Variants in CCBE1 observed in about 807,000 individuals in gnomAD.
CCBE1 encodes collagen and calcium binding EGF domains 1.
CCBE1 carries 37 observed loss-of-function variants against 50.0 expected under a neutral mutation model. The observed-to-expected ratio is 0.74, with a 90% CI of 0.57 to 0.97. The LOEUF (loss-of-function observed/expected upper bound fraction) is 0.97, where lower values mean the gene tolerates loss of function less well. CCBE1 is among the 50% of genes least tolerant of loss of function. The pLI, the probability that CCBE1 is intolerant of heterozygous loss-of-function variation, is 0.00. For synonymous variants in CCBE1, 234 were observed against 203.7 expected (o/e 1.15, Z -1.27); for missense variants, 538 against 523.8 (o/e 1.03, Z -0.26).
chr18:59,490,009 T>A (rs1451878447), intron 2 of CCBE1, among the ~76,000 whole-genome samples: 8 of 114,042 alleles, frequency 7.0e-5, no homozygotes, highest in Non-Finnish European at 1.1e-4. Flanking sequence ...TTTTTTGAGA[T>A]GGAGTTTCCT....
intron 2 of CCBE1, among the ~76,000 whole-genome samples, chr18:59,492,241 A>AT (rs1021120994): frequency 1.1e-4 from 17 of 149,156 alleles, no homozygotes; most frequent in South Asian, 4.3e-4. Context: ...ATTGCCTTCT[A>AT]TTTTTTTTTC....
chr18:59,573,747 A>G (rs1223849833), intron 2 of CCBE1, among the ~76,000 whole-genome samples: 3 of 152,104 alleles, frequency 2.0e-5, no homozygotes, highest in Non-Finnish European at 4.4e-5. Context: ...CTGTACTATC[A>G]TTACTACAAG....
intron 2 of CCBE1, among the ~76,000 whole-genome samples, chr18:59,547,174 G>A (rs978229835): frequency 1.3e-4 from 20 of 151,652 alleles, no homozygotes; most frequent in Non-Finnish European, 2.5e-4. Flanking sequence ...GAGAGGGAGA[G>A]AGAGGCACAA....
rs375020071 is a variant in CCBE1, at chr18:59,675,887, G to A, written c.212+20742C>T. Among the ~76,000 whole-genome samples, 32 of 152,278 alleles carry A rather than the reference G, an allele frequency of 2.1e-4. 1 individual carries two copies. The South Asian group carries it at 5.8e-3, about 28-fold the overall frequency. On this transcript the variant is annotated intron_variant, in intron 2 of 10. Coordinates refer to ENST00000439986, the MANE Select transcript of CCBE1 (RefSeq NM_133459.4). ...CAAGGTCTCTAAGATGTTCAACAGA[G>A]GCAAACAAAAGTAAATGGTGCAATG...
At chr18:59,599,989 T>A (rs980978586) in intron 2 of CCBE1, among the ~76,000 whole-genome samples, 1 of 152,132 alleles carries the variant, frequency 6.6e-6, no homozygotes, top group African/African-American at 2.4e-5. Context: ...CACAGAACCA[T>A]GGTGAGTTTT....
intron 2 of CCBE1, among the ~76,000 whole-genome samples, chr18:59,669,263 A>C (rs1016660257): frequency 2.0e-5 from 3 of 152,170 alleles, no homozygotes; most frequent in Non-Finnish European, 4.4e-5. Context: ...TATTGTTTAT[A>C]AACATTAAAA....
intron 2 of CCBE1, among the ~76,000 whole-genome samples, chr18:59,581,203 G>A (rs1238092929): frequency 1.3e-5 from 2 of 152,154 alleles, no homozygotes; most frequent in African/African-American, 4.8e-5. Context: ...AGCCCACTGG[G>A]AGGCTGAGGT....
chr18:59,514,379 A>G (rs1031597134), intron 2 of CCBE1, among the ~76,000 whole-genome samples: 2 of 152,086 alleles, frequency 1.3e-5, no homozygotes, highest in African/African-American at 4.8e-5. Context: ...CCAGTGAGTC[A>G]TTTTGAGAGC....
At chr18:59,590,848 T>C (rs2053254360) in intron 2 of CCBE1, among the ~76,000 whole-genome samples, 1 of 152,148 alleles carries the variant, frequency 6.6e-6, no homozygotes, top group Non-Finnish European at 1.5e-5. Flanking sequence ...CTTCACTCCA[T>C]ACATAAGAAT....
chr18:59,543,871 A>G (rs1225555204), intron 2 of CCBE1, among the ~76,000 whole-genome samples: 1 of 151,320 alleles, frequency 6.6e-6, no homozygotes, highest in Non-Finnish European at 1.5e-5. Flanking sequence ...GAAAACACTA[A>G]TGCGAGAATC....
intron 2 of CCBE1, among the ~76,000 whole-genome samples, chr18:59,683,980 A>C (rs911565654): frequency 6.6e-6 from 1 of 151,986 alleles, no homozygotes; most frequent in Non-Finnish European, 1.5e-5. Context: ...CAGAACTCCC[A>C]GGGCCAGTTG....
intron 2 of CCBE1, among the ~76,000 whole-genome samples, chr18:59,514,712 C>G (rs1914294266): frequency 7.1e-6 from 1 of 140,014 alleles, no homozygotes; most frequent in Non-Finnish European, 1.5e-5. Context: ...AAAGAGCAAA[C>G]ACTTCATCCT....
intron 2 of CCBE1, among the ~76,000 whole-genome samples, chr18:59,623,651 C>T (rs2053741061): frequency 6.6e-6 from 1 of 152,124 alleles, no homozygotes; most frequent in African/African-American, 2.4e-5. Flanking sequence ...TGCTAGGAGA[C>T]CCTTGCTACA....
intron 2 of CCBE1, among the ~76,000 whole-genome samples, chr18:59,609,564 G>C (rs1410087186): frequency 6.6e-6 from 1 of 152,166 alleles, no homozygotes; most frequent in Non-Finnish European, 1.5e-5. Context: ...CTACCTCTCA[G>C]TGTTTCTTAA....
At chr18:59,613,178 G>T (rs2053595298) in intron 2 of CCBE1, among the ~76,000 whole-genome samples, 1 of 152,020 alleles carries the variant, frequency 6.6e-6, no homozygotes, top group Non-Finnish European at 1.5e-5. Flanking sequence ...CAGCTGCAGG[G>T]CATGGATGGG....
chr18:59,541,707 A>G (rs1915471844), intron 2 of CCBE1, among the ~76,000 whole-genome samples: 1 of 152,220 alleles, frequency 6.6e-6, no homozygotes, highest in Non-Finnish European at 1.5e-5. Context: ...CCATTGGAGG[A>G]AGAGTTGAAG....
intron 2 of CCBE1, among the ~76,000 whole-genome samples, chr18:59,630,670 G>A (rs1245842593): frequency 6.6e-6 from 1 of 152,208 alleles, no homozygotes; most frequent in Non-Finnish European, 1.5e-5. Flanking sequence ...TCTCCAGCAT[G>A]ATGGTCTCAG....
intron 2 of CCBE1, among the ~76,000 whole-genome samples, chr18:59,678,295 G>C (rs1172594948): frequency 1.3e-5 from 2 of 152,156 alleles, no homozygotes; most frequent in Non-Finnish European, 2.9e-5. Flanking sequence ...GACCAGGGGG[G>C]TGTTGAGGGC....
chr18:59,695,457 C>G (rs550164642), intron 2 of CCBE1, among the ~76,000 whole-genome samples: 10 of 152,174 alleles, frequency 6.6e-5, no homozygotes, highest in East Asian at 1.9e-4. Flanking sequence ...GAGAAAGGAG[C>G]CTTTCCTAAG....
Sources: allele counts gnomAD v4.1 joint callset (sites outside exome capture counted in the v4.1 genomes callset), GRCh38; gene constraint gnomAD v4.1.1; transcripts MANE v1.5; gene names NCBI Gene and HGNC (gene_info 2026-07-23, HGNC 2026-07-21).